PHB2: variants seen among roughly 807,000 people sequenced by gnomAD.
PHB2 encodes prohibitin 2.
PHB2 carries 22 observed loss-of-function variants against 46.4 expected under a neutral mutation model. That is an observed-to-expected ratio of 0.47 (90% confidence interval 0.34 to 0.68). The LOEUF is 0.68. Ranked by LOEUF, PHB2 falls within the 30% of genes least tolerant of loss-of-function variation. The pLI is 0.01. For synonymous variants in PHB2, 156 were observed against 150.5 expected, an observed-to-expected ratio of 1.04 and a Z score of -0.27; for missense variants, 305 against 382.8, an observed-to-expected ratio of 0.80 and a Z score of 1.70.
chr12:6,968,211 C>T (rs1388018728), intron 4 of PHB2, among the ~76,000 whole-genome samples, 190 bp from the exon 5 acceptor site: 3 of 152,238 alleles, frequency 2.0e-5, no homozygotes, highest in Non-Finnish European at 4.4e-5. Flanking sequence ...TGGCCATTTT[C>T]CTCTGTGCTT....
chr12:6,970,616 GGT>G lies in PHB2; in HGVS notation c.-75_-74del. 1 of 1,491,094 alleles carries G rather than the reference GGT, an allele frequency of 6.7e-7. No homozygotes were observed. The highest frequency in any genetic ancestry group is 9.0e-7 in the Non-Finnish European group (1 of 1,115,654). 92.4% of individuals were successfully genotyped at this position (1,491,094 alleles called of 1,614,324 possible). ...CCCGCCTCTACCCCGCTCCGGCTTA[GGT>G]ACTGCACCCTTCACACGAGGGTTCG... On this transcript the variant is annotated 5_prime_UTR_variant, in exon 1 of 10. Coordinates refer to ENST00000535923, the MANE Select transcript of PHB2 (RefSeq NM_001144831.2).
At chr12:6,968,669 C>T (rs1555151356) in intron 3 of PHB2, 74 bp from the exon 4 acceptor site, 1 of 1,142,880 alleles carries the variant, frequency 8.7e-7, no homozygotes, top group Admixed American at 1.9e-5. Flanking sequence ...CATGTTCCTC[C>T]CTGTATGCCC....
rs1555151006 is a variant in PHB2, at chr12:6,967,455, G to C, written c.712-207C>G. 8.9e-7 allele frequency: 1 copy of C among 1,117,414 alleles called. No homozygotes were observed. Among genetic ancestry groups the C allele is most frequent in the Admixed American group, 1.7e-5 (1 of 59,442 alleles). The allele number at this position is 1,117,414 out of a possible 1,614,324, so 69.2% of individuals were successfully genotyped here. A position where few individuals can be genotyped will look rare whatever the true frequency, so the allele number is the denominator to read the frequency against. ...GGGCAGCACCAGAAATGAAGGCAAG[G>C]CCACCAATGCTATTGATCTGGCCTT... On this transcript the variant is annotated intron_variant, in intron 6 of 9. Coordinates refer to ENST00000535923, the MANE Select transcript of PHB2 (RefSeq NM_001144831.2). The surrounding 1 kb of genome is among the most constrained non-coding windows in gnomAD (Gnocchi z 4.9).
chr12:6,965,475 C>T lies in PHB2; in HGVS notation c.*210G>A. 2 of 613,808 alleles carry T rather than the reference C, an allele frequency of 3.3e-6. No individual in the cohort carries two copies. Among genetic ancestry groups the T allele is most frequent in the Non-Finnish European group, 5.8e-6 (2 of 342,594 alleles). The allele number at this position is 613,808 out of a possible 1,614,324, so 38.0% of individuals were successfully genotyped here. ...AAATCACGCACTGTCCCCAACAGCC[C>T]CAGTTAACACAGGGAGGAGGAAAGT... On this transcript the variant is annotated 3_prime_UTR_variant, in exon 10 of 10. Transcript: ENST00000535923.
At chr12:6,969,987 CCA>C (rs1946291496) in intron 2 of PHB2, 2 of 700,560 alleles carry the variant, frequency 2.9e-6, no homozygotes, top group Admixed American at 2.0e-5. Flanking sequence ...CTCTCCACGA[CCA>C]CAGACAAGGA....
chr12:6,970,218 G>A lies in PHB2; in HGVS notation c.190C>T (p.Leu64=), dbSNP rs367743831. Residue 64 remains leucine (L), a synonymous_variant, in exon 2 of 10, where the codon CTG becomes TTG. Transcript: ENST00000535923. ...RIGGVQQDTI[L]AEGLHFRIPW... is the part of the protein sequence containing the mutation. The stretch of plus-strand genomic sequence containing the variant: ...TACCTGAAGTGAAGGCCCTCGGCCA[G>A]GATAGTGTCCTGCTGCACTCCACCG... 840 of 1,613,744 alleles carry A rather than the reference G, an allele frequency of 5.2e-4. No homozygotes were observed. The highest frequency in any genetic ancestry group is 6.4e-4 in the Non-Finnish European group (760 of 1,179,768).
rs1591699758 is a variant in PHB2, at chr12:6,966,444, T to C, written c.846A>G (p.Leu282=). The change falls in exon 8 of 10, where the codon CTA becomes CTG. Residue 282 remains leucine, a synonymous_variant. Coordinates refer to ENST00000535923, the MANE Select transcript of PHB2 (RefSeq NM_001144831.2). ...CTCACCTGGTGAAACTTTCATCCTG[T>C]AGGTTCAGCACAAGGTTGTCAGCTG... ...YLTADNLVLN[L]QDESFTRGSD... The C allele has an allele frequency of 6.2e-7, 1 of 1,607,638 alleles. No homozygotes were observed. Among genetic ancestry groups the C allele is most frequent in the Non-Finnish European group, 8.5e-7 (1 of 1,174,088 alleles).
chr12:6,969,997 GGA>G (rs1565591427), intron 2 of PHB2, 197 bp downstream of exon 2: 2 of 701,998 alleles, frequency 2.8e-6, no homozygotes, highest in Non-Finnish European at 5.2e-6. Flanking sequence ...CCACAGACAA[GGA>G]GAGATTCTCT....
At position 6,967,668 on chromosome 12, in the gene PHB2, A is replaced by T; in HGVS notation, c.711+8T>A. The T allele has an allele frequency of 6.2e-7, 1 of 1,606,722 alleles. No individual in the cohort carries two copies. Among genetic ancestry groups the T allele is most frequent in the African/African-American group, 1.3e-5 (1 of 74,910 alleles). On this transcript the variant is annotated splice_region_variant and intron_variant, in intron 6 of 9. Coordinates refer to ENST00000535923, the MANE Select transcript of PHB2 (RefSeq NM_001144831.2). The surrounding 1 kb of genome is among the most constrained non-coding windows in gnomAD (Gnocchi z 4.9). ...GGCTGGGCTGAGATCTCTCCAGCAG[A>T]AGGATATCATCTTGGCAGCCTCGGC...
In PHB2 at chr12:6,967,646, T is replaced by A; in HGVS notation, c.711+30A>T. 3 of 1,567,120 alleles carry A rather than the reference T, an allele frequency of 1.9e-6. No homozygotes were observed. The African/African-American group carries it at 4.0e-5, about 21-fold the overall frequency. On this transcript the variant is annotated intron_variant, in intron 6 of 9. Transcript: ENST00000535923. This position sits in a 1 kb window ranked among gnomAD's most constrained non-coding sequence, Gnocchi z 4.9. ...TGGGGAACTCAGGTGCCCTAGGGGC[T>A]GGGCTGAGATCTCTCCAGCAGAAGG...
rs377657902 is a variant in PHB2, at chr12:6,967,546, C to G, written c.711+130G>C. 10 of 940,292 alleles carry G rather than the reference C, an allele frequency of 1.1e-5. No homozygotes were observed. Among genetic ancestry groups the G allele is most frequent in the Admixed American group, 3.4e-5 (2 of 59,204 alleles). 58.2% of individuals were successfully genotyped at this position (940,292 alleles called of 1,614,324 possible). On this transcript the variant is annotated intron_variant, in intron 6 of 9. Transcript: ENST00000535923. The surrounding 1 kb of genome is among the most constrained non-coding windows in gnomAD (Gnocchi z 4.9). ...CAGATCTCATCTGTAGTCCCCACCC[C>G]CAACAAGGAGCCAAGGGCCAGAGAG... is the stretch of plus-strand genomic sequence containing the variant.
In PHB2 at chr12:6,970,579, AG is replaced by A; in HGVS notation, c.-37del. 1 of 1,551,180 alleles carries A rather than the reference AG, an allele frequency of 6.4e-7. No individual in the cohort carries two copies. The highest frequency in any genetic ancestry group is 1.2e-5 in the South Asian group (1 of 80,560). The stretch of plus-strand genomic sequence containing the variant: ...GAGGCCGGCGGCACTGGAGGTCAGA[AG>A]GGGGTGCCGGCCCGCCTCTACCCCG... On this transcript the variant is annotated 5_prime_UTR_variant, in exon 1 of 10. Transcript: ENST00000535923.
chr12:6,970,478 G>C lies in PHB2; in HGVS notation c.66C>G (p.Ala22=), dbSNP rs1555151921. The C allele has an allele frequency of 1.9e-6, 3 of 1,605,564 alleles. No individual in the cohort carries two copies. Among genetic ancestry groups the C allele is most frequent in the Non-Finnish European group, 2.5e-6 (3 of 1,179,046 alleles). The change falls in exon 1 of 10, where the codon GCC becomes GCG. Residue 22 remains alanine (A), a synonymous_variant. Coordinates refer to ENST00000535923, the MANE Select transcript of PHB2 (RefSeq NM_001144831.2). ...LPAGPRGMGT[A]LKLLLGAGAV... Reference sequence around the variant, plus strand: ...CGCCGGCCCCCAGCAACAGCTTCAGGGCCGTGCCCATGCCCCGGGGCCCGG... The same window carrying C: ...CGCCGGCCCCCAGCAACAGCTTCAGCGCCGTGCCCATGCCCCGGGGCCCGG...
Position 6,965,896 on chromosome 12 carries a change from G to GC in PHB2, c.872+14dup, listed in dbSNP as rs1565589048. 1.0e-5 allele frequency: 16 copies of GC among 1,598,990 alleles called. No individual in the cohort carries two copies. The highest frequency in any genetic ancestry group is 1.4e-5 in the Non-Finnish European group (16 of 1,179,354). On this transcript the variant is annotated intron_variant, in intron 9 of 9. Transcript: ENST00000535923. The stretch of plus-strand genomic sequence containing the variant: ...AGGTGGCCTGCAGGACCCCACAGAA[G>GC]CAACAACAGCTTACCTTCCCCTGTG...
At chr12:6,969,177 T>C (rs1555151478) in intron 3 of PHB2, among the ~76,000 whole-genome samples, 1 of 151,932 alleles carries the variant, frequency 6.6e-6, no homozygotes, top group African/African-American at 2.4e-5. Context: ...AGTGTACTAG[T>C]GGATGTAACT....
intron 1 of PHB2, 27 bp downstream of exon 1, chr12:6,970,390 T>C: frequency 6.2e-7 from 1 of 1,604,054 alleles, no homozygotes; most frequent in South Asian, 1.1e-5. Flanking sequence ...ACTGGAAGCG[T>C]CCGGCGAGCA....
At position 6,967,523 on chromosome 12, in the gene PHB2, G is replaced by A. The variant is rs782056813; in HGVS notation, c.711+153C>T. 10 of 901,114 alleles carry A rather than the reference G, an allele frequency of 1.1e-5. No individual in the cohort carries two copies. The highest frequency in any genetic ancestry group is 1.8e-6 in the Non-Finnish European group (1 of 541,208). The allele number at this position is 901,114 out of a possible 1,614,324, so 55.8% of individuals were successfully genotyped here. A position where few individuals can be genotyped will look rare whatever the true frequency, so the allele number is the denominator to read the frequency against. Reference sequence around the variant, plus strand: ...CTCAGGTACTACCACTAAGATTTCAGATCTCATCTGTAGTCCCCACCCCCA... The same window carrying A: ...CTCAGGTACTACCACTAAGATTTCAAATCTCATCTGTAGTCCCCACCCCCA... On this transcript the variant is annotated intron_variant, in intron 6 of 9. Transcript: ENST00000535923. This position sits in a 1 kb window ranked among gnomAD's most constrained non-coding sequence, Gnocchi z 4.9.
At chr12:6,968,334 C>T (rs781908239) in intron 4 of PHB2, 77 bp downstream of exon 4, 34 of 1,082,474 alleles carry the variant, frequency 3.1e-5, no homozygotes, top group Non-Finnish European at 4.6e-5. Context: ...TTCTAATAAG[C>T]TGCCTTTCCT....
Position 6,969,533 on chromosome 12 carries a change from C to G in PHB2, c.257G>C (p.Arg86Thr). The G allele has an allele frequency of 6.2e-7, 1 of 1,610,276 alleles. No individual in the cohort carries two copies. The highest frequency in any genetic ancestry group is 8.5e-7 in the Non-Finnish European group (1 of 1,177,102). The change falls in exon 3 of 10, where the codon AGA becomes ACA. Residue 86 changes from arginine to threonine, a missense_variant. Physicochemically the swap from Arg to Thr is moderately conservative, Grantham distance 71. Around this residue, in one of 3 missense-constraint regions of PHB2, gnomAD observed 241 missense variants for 302.7 expected, o/e 0.80. Transcript: ENST00000535923. Reference protein sequence around the residue: ...QYPIIYDIRARPRKISSPTGS... With the variant: ...QYPIIYDIRATPRKISSPTGS... ...TGTAGGGGAGGAGATTTTTCGAGGT[C>G]TGGCCCGAATGTCATAGATAATGGG...
Sources: gnomAD v4.1 joint callset for allele counts (sites outside exome capture counted in the v4.1 genomes callset) on GRCh38, gnomAD v4.1.1 for gene constraint, gnomAD v4.1.1 regional missense constraint, Gnocchi (gnomAD v3.1) non-coding constraint, MANE v1.5 for transcripts, NCBI Gene and HGNC (gene_info 2026-07-23, HGNC 2026-07-21) for gene names.